Variants in AFF3 observed in about 807,000 individuals in gnomAD.
The protein encoded by AFF3 is AF4/FMR2 family member 3.
In AFF3, 32 loss-of-function variants were observed where a neutral mutation model predicts 129.7. That is an observed-to-expected ratio of 0.25 (90% confidence interval 0.19 to 0.33). The LOEUF is 0.33. Ranked by LOEUF, AFF3 falls within the 10% of genes least tolerant of loss-of-function variation. AFF3 has a pLI of 1.00. For synonymous variants in AFF3, 644 were observed against 635.4 expected (o/e 1.01, Z -0.20); for missense variants, 1,373 against 1,592.0 (o/e 0.86, Z 2.34).
intron 18 of AFF3, among the ~76,000 whole-genome samples, chr2:99,569,129 C>A (rs933267543): frequency 6.6e-6 from 1 of 152,140 alleles, no homozygotes; most frequent in Non-Finnish European, 1.5e-5. Flanking sequence ...ACTCAACATA[C>A]GCCAGTAGTC....
At chr2:99,844,438 T>TC (rs200165443) in intron 7 of AFF3, among the ~76,000 whole-genome samples, 20 of 114,882 alleles carry the variant, frequency 1.7e-4, no homozygotes, top group East Asian at 1.1e-3. Flanking sequence ...TCTTTTCTTT[T>TC]TTTTTTTTTT....
At chr2:99,631,063 C>A in intron 13 of AFF3, 1 of 428,708 alleles carries the variant, frequency 2.3e-6, no homozygotes, top group South Asian at 1.7e-5. Context: ...GCAGGCAGAG[C>A]AGAACACGGA....
chr2:99,920,449 A>T (rs188344071), intron 7 of AFF3, among the ~76,000 whole-genome samples: 2 of 152,242 alleles, frequency 1.3e-5, no homozygotes, highest in Admixed American at 1.3e-4. Context: ...CAGTAGACTC[A>T]GGGAAAGCAC....
intron 13 of AFF3, among the ~76,000 whole-genome samples, chr2:99,608,996 C>T (rs999326699): frequency 1.3e-5 from 2 of 152,044 alleles, no homozygotes; most frequent in Non-Finnish European, 2.9e-5. Flanking sequence ...GAGACCACAA[C>T]CAGAAGAAGT....
At chr2:99,677,966 C>T (rs1042286845) in intron 11 of AFF3, among the ~76,000 whole-genome samples, 5 of 152,092 alleles carry the variant, frequency 3.3e-5, no homozygotes, top group South Asian at 2.1e-4. Flanking sequence ...CTACAGACGC[C>T]GGCTACCACG....
intron 13 of AFF3, among the ~76,000 whole-genome samples, chr2:99,620,369 C>T (rs1681876046): frequency 6.6e-6 from 1 of 152,208 alleles, no homozygotes; most frequent in Admixed American, 6.5e-5. Context: ...TGACTCACAC[C>T]TGTATTCCCA....
At chr2:99,953,992 C>T (rs1676398798) in intron 7 of AFF3, among the ~76,000 whole-genome samples, 1 of 152,178 alleles carries the variant, frequency 6.6e-6, no homozygotes, top group African/African-American at 2.4e-5. Flanking sequence ...GCACAGAGAG[C>T]CTGTATCTGG....
intron 17 of AFF3, among the ~76,000 whole-genome samples, chr2:99,581,592 C>T (rs968778305): frequency 1.3e-5 from 2 of 151,840 alleles, no homozygotes; most frequent in Non-Finnish European, 2.9e-5. Context: ...AATCTCGGCT[C>T]ACTGTAACCT....
At chr2:99,997,568 C>T (rs1164446813) in intron 7 of AFF3, among the ~76,000 whole-genome samples, 2 of 152,026 alleles carry the variant, frequency 1.3e-5, no homozygotes, top group African/African-American at 4.8e-5. Flanking sequence ...CAGCCAAACC[C>T]ATCATTTTCA....
chr2:99,776,336 T>C (rs1014000043), intron 8 of AFF3, among the ~76,000 whole-genome samples: 1 of 152,220 alleles, frequency 6.6e-6, no homozygotes, highest in Admixed American at 6.5e-5. Context: ...GATGGTTGTA[T>C]TTCTGTAGTT....
At chr2:99,916,366 A>G (rs1695475538) in intron 7 of AFF3, among the ~76,000 whole-genome samples, 1 of 152,174 alleles carries the variant, frequency 6.6e-6, no homozygotes, top group Non-Finnish European at 1.5e-5. Context: ...TTATTTACAA[A>G]GTTACGCATT....
intron 20 of AFF3, among the ~76,000 whole-genome samples, chr2:99,561,183 T>A (rs999936358): frequency 2.0e-5 from 3 of 152,244 alleles, no homozygotes; most frequent in African/African-American, 7.2e-5. Flanking sequence ...TCTTTAAGCC[T>A]CCATTTCCTT....
intron 7 of AFF3, among the ~76,000 whole-genome samples, chr2:99,976,108 A>C (rs1678865742): frequency 6.6e-6 from 1 of 152,062 alleles, no homozygotes; most frequent in South Asian, 2.1e-4. Flanking sequence ...TCTTATTCAA[A>C]ATTAAATTCT....
intron 7 of AFF3, among the ~76,000 whole-genome samples, chr2:99,951,074 T>G (rs1379229680): frequency 6.6e-6 from 1 of 152,130 alleles, no homozygotes; most frequent in Non-Finnish European, 1.5e-5. Flanking sequence ...CTAAGAAAAA[T>G]TTATTCTATA....
intron 8 of AFF3, among the ~76,000 whole-genome samples, chr2:99,771,765 C>T (rs1473957694): frequency 5.3e-5 from 8 of 152,242 alleles, no homozygotes; most frequent in African/African-American, 1.2e-4. Flanking sequence ...CAGGAAGTGA[C>T]GTATTTCTAA....
At chr2:99,626,358 T>G (rs1682552176) in intron 13 of AFF3, among the ~76,000 whole-genome samples, 2 of 143,966 alleles carry the variant, frequency 1.4e-5, no homozygotes, top group South Asian at 4.7e-4. Context: ...CCTTCCTTCC[T>G]TCCTCTTTCC....
At chr2:100,121,800 C>G (rs1457015975) in intron 2 of AFF3, among the ~76,000 whole-genome samples, 2 of 152,144 alleles carry the variant, frequency 1.3e-5, no homozygotes, top group African/African-American at 4.8e-5. Context: ...CGGTGGCTCA[C>G]GCCTGTAATC....
intron 2 of AFF3, chr2:100,107,427 T>G: frequency 3.0e-6 from 3 of 985,234 alleles, no homozygotes; most frequent in Non-Finnish European, 3.6e-6. Flanking sequence ...CTTTTGGGGA[T>G]TAGAATGTCA....
chr2:99,690,831 T>C (rs966273335), intron 11 of AFF3, among the ~76,000 whole-genome samples: 1 of 151,456 alleles, frequency 6.6e-6, no homozygotes, highest in African/African-American at 2.4e-5. Context: ...GAGTTTATAC[T>C]CAGGCATAGT....
Sources: allele counts gnomAD v4.1 joint callset (sites outside exome capture counted in the v4.1 genomes callset), GRCh38; gene constraint gnomAD v4.1.1; transcripts MANE v1.5; gene names NCBI Gene and HGNC (gene_info 2026-07-23, HGNC 2026-07-21).